Variants in PDCD10 observed in about 807,000 individuals in gnomAD.
PDCD10 encodes the protein programmed cell death 10.
A neutral mutation model predicts 29.2 loss-of-function variants in PDCD10; 4 were observed. That is an observed-to-expected ratio of 0.14 (90% CI 0.07 to 0.31). PDCD10 has a LOEUF of 0.31. Ranked by LOEUF, PDCD10 falls within the 10% of genes least tolerant of loss-of-function variation. The pLI is 1.00. For missense variants in PDCD10, 183 were observed against 257.9 expected (o/e 0.71, Z 1.99); for synonymous variants, 70 against 82.2 (o/e 0.85, Z 0.80).
chr3:167,720,258 C>A lies in PDCD10; in HGVS notation c.-101G>T. 2.6e-6 allele frequency: 2 copies of A among 765,498 alleles called. No individual in the cohort carries two copies. The highest frequency in any genetic ancestry group is 2.0e-5 in the Admixed American group (1 of 51,278). 47.4% of individuals were successfully genotyped at this position (765,498 alleles called of 1,614,324 possible). A position where few individuals can be genotyped will look rare whatever the true frequency, so the allele number is the denominator to read the frequency against. ...TTTTTGGTGATAAAAGAATTGGACACAAAAAACACACTGATCTGGTGAAAG... is the reference window on the plus strand; with the variant it reads ...TTTTTGGTGATAAAAGAATTGGACAAAAAAAACACACTGATCTGGTGAAAG... On this transcript the variant is annotated 5_prime_UTR_variant, in exon 3 of 9. Coordinates refer to ENST00000392750, the MANE Select transcript of PDCD10 (RefSeq NM_007217.4).
At chr3:167,730,946 A>AT (rs1315623850) in intron 2 of PDCD10, 3 of 152,224 alleles carry the variant, frequency 2.0e-5, no homozygotes, top group Admixed American at 2.0e-4. Context: ...TATTAAAGGT[A>AT]TAATTCATAG....
Position 167,720,077 on chromosome 3 carries a change from A to G in PDCD10, c.81T>C (p.Tyr27=). 1 of 1,603,702 alleles carries G rather than the reference A, an allele frequency of 6.2e-7. No individual in the cohort carries two copies. The change falls in exon 3 of 9, where the codon TAT becomes TAC. Residue 27 remains tyrosine (Y), a synonymous_variant. Transcript: ENST00000392750. The part of the protein sequence containing the change: ...MVSMPLYAVM[Y]PVFNELERVN... ...CCCAACTCACCTCATTAAACACAGG[A>G]TACATGACTGCATAGAGGGGCATAG... is the stretch of plus-strand genomic sequence containing the variant.
chr3:167,692,440 T>A (rs1022111817), intron 6 of PDCD10, among the ~76,000 whole-genome samples: 1 of 152,238 alleles, frequency 6.6e-6, no homozygotes, highest in Non-Finnish European at 1.5e-5. Context: ...TTTCCACTTA[T>A]GGTGTCATGT....
At chr3:167,696,738 AAAC>A (rs1486500118) in intron 5 of PDCD10, among the ~76,000 whole-genome samples, 12 of 152,168 alleles carry the variant, frequency 7.9e-5, no homozygotes, top group African/African-American at 2.2e-4. Context: ...GAAACTCACC[AAAC>A]ATAAAGGGGG....
At chr3:167,725,315 G>A (rs1288579265) in intron 2 of PDCD10, 1 of 150,320 alleles carries the variant, frequency 6.7e-6, no homozygotes, top group Admixed American at 6.6e-5. Context: ...TAGAGAAAAT[G>A]GATTTTTACA....
chr3:167,689,209 G>A (rs1164731721), intron 6 of PDCD10, among the ~76,000 whole-genome samples: 1 of 151,960 alleles, frequency 6.6e-6, no homozygotes, highest in Admixed American at 6.6e-5. Flanking sequence ...GGCTTAAGTT[G>A]AATCTTTGTA....
At position 167,702,849 on chromosome 3, in the gene PDCD10, T is replaced by C. The variant is rs1721584479; in HGVS notation, c.150+1993A>G. 2.0e-5 allele frequency among the ~76,000 whole-genome samples: 3 copies of C among 152,180 alleles called. No homozygotes were observed. In the South Asian group the frequency reaches 6.2e-4, roughly 32 times the overall value. On this transcript the variant is annotated intron_variant, in intron 4 of 8. Transcript: ENST00000392750. The stretch of plus-strand genomic sequence containing the variant: ...CACTTGAAATGTAACAAACTAAATG[T>C]GATAATTAAAAATACATCAGTGTAA...
intron 3 of PDCD10, among the ~76,000 whole-genome samples, chr3:167,714,120 T>G (rs1176018624): frequency 6.6e-6 from 1 of 151,670 alleles, no homozygotes; most frequent in Admixed American, 6.6e-5. Context: ...CAGGCCAATC[T>G]CTGATAAATA....
intron 3 of PDCD10, among the ~76,000 whole-genome samples, chr3:167,708,328 TCA>T (rs1479053463): frequency 6.6e-6 from 1 of 152,140 alleles, no homozygotes; most frequent in Non-Finnish European, 1.5e-5. Flanking sequence ...ACTCCTGCTT[TCA>T]CACTTTTGTG....
intron 3 of PDCD10, among the ~76,000 whole-genome samples, chr3:167,717,562 TTTAA>T (rs1417457166): frequency 6.6e-6 from 1 of 152,006 alleles, no homozygotes; most frequent in Non-Finnish European, 1.5e-5. Flanking sequence ...AACACTAATG[TTTAA>T]TTGATTAGGT....
intron 2 of PDCD10, among the ~76,000 whole-genome samples, chr3:167,733,165 T>C (rs985724820): frequency 2.6e-5 from 4 of 152,170 alleles, no homozygotes; most frequent in African/African-American, 7.2e-5. Flanking sequence ...AAATTCAGCA[T>C]AGTCTGATGA....
intron 3 of PDCD10, among the ~76,000 whole-genome samples, chr3:167,714,086 A>T (rs1175328147): frequency 1.3e-5 from 2 of 152,200 alleles, no homozygotes; most frequent in East Asian, 3.9e-4. Flanking sequence ...ATCTGGGCAA[A>T]GACACATCAA....
chr3:167,722,028 T>C (rs1723619975), intron 2 of PDCD10, among the ~76,000 whole-genome samples: 1 of 152,118 alleles, frequency 6.6e-6, no homozygotes, highest in African/African-American at 2.4e-5. Flanking sequence ...TAATCTGCTT[T>C]TCCACTTCAA....
chr3:167,716,731 T>C (rs1046972450), intron 3 of PDCD10, among the ~76,000 whole-genome samples: 4 of 152,016 alleles, frequency 2.6e-5, no homozygotes, highest in African/African-American at 9.7e-5. Flanking sequence ...AATGGAAACA[T>C]ATTAATTACT....
intron 4 of PDCD10, among the ~76,000 whole-genome samples, chr3:167,704,351 C>T (rs1721756504): frequency 6.6e-6 from 1 of 152,052 alleles, no homozygotes. Flanking sequence ...CCTCAGCCTC[C>T]TGAGTAGCAA....
intron 2 of PDCD10, among the ~76,000 whole-genome samples, chr3:167,725,153 A>G (rs907856768): frequency 6.6e-6 from 1 of 150,736 alleles, no homozygotes; most frequent in African/African-American, 2.4e-5. Context: ...GCTACTCAGG[A>G]GGCTGAGGCA....
At chr3:167,720,503 G>C (rs1440619778) in intron 2 of PDCD10, among the ~76,000 whole-genome samples, 1 of 152,058 alleles carries the variant, frequency 6.6e-6, no homozygotes, top group East Asian at 1.9e-4. Context: ...ACAAAGCAGT[G>C]ACTTAAGACG....
chr3:167,696,537 G>C (rs559386944), intron 5 of PDCD10, among the ~76,000 whole-genome samples: 1 of 151,890 alleles, frequency 6.6e-6, no homozygotes, highest in South Asian at 2.1e-4. Context: ...TAAAACCAAC[G>C]TCTAAATAAT....
At chr3:167,713,487 T>G (rs755797195) in intron 3 of PDCD10, among the ~76,000 whole-genome samples, 1 of 150,970 alleles carries the variant, frequency 6.6e-6, no homozygotes. Flanking sequence ...AACAAACAAT[T>G]CAAATAACAC....
Sources: gnomAD v4.1 joint callset for allele counts (sites outside exome capture counted in the v4.1 genomes callset) on GRCh38, gnomAD v4.1.1 for gene constraint, MANE v1.5 for transcripts, NCBI Gene and HGNC (gene_info 2026-07-23, HGNC 2026-07-21) for gene names.